The following TMEFF2 variants were observed in gnomAD, a reference collection of about 807,000 sequenced individuals.
TMEFF2 encodes the protein tomoregulin-2.
TMEFF2 carries 28 observed loss-of-function variants against 53.8 expected under a neutral mutation model. The ratio of observed to expected loss-of-function variants is 0.52; its 90% confidence interval spans 0.39 to 0.71. The LOEUF is 0.71. Among genes scored for constraint, TMEFF2 ranks in the 30% least tolerant of loss-of-function variants. The probability of loss-of-function intolerance (pLI) is 0.00; values close to 1 mark genes in which losing one functional copy is unlikely to be tolerated. For synonymous variants in TMEFF2, 162 were observed against 166.3 expected (o/e 0.97, Z 0.20); for missense variants, 353 against 455.2 (o/e 0.78, Z 2.04).
intron 4 of TMEFF2, among the ~76,000 whole-genome samples, chr2:192,075,267 A>G (rs1209547926): frequency 1.4e-5 from 2 of 141,228 alleles, no homozygotes; most frequent in Non-Finnish European, 3.0e-5. Flanking sequence ...TAATTATTAT[A>G]CCCAGAGTAC....
At chr2:191,979,772 C>CCT (rs987187681) in intron 7 of TMEFF2, among the ~76,000 whole-genome samples, 5 of 151,594 alleles carry the variant, frequency 3.3e-5, no homozygotes, top group African/African-American at 1.2e-4. Flanking sequence ...AAAATTAAAC[C>CCT]CTCTAACTAG....
intron 4 of TMEFF2, among the ~76,000 whole-genome samples, chr2:192,168,336 A>AC (rs1408855901): frequency 6.6e-6 from 1 of 151,708 alleles, no homozygotes; most frequent in East Asian, 1.9e-4. Flanking sequence ...CCTGCCACCC[A>AC]CCCCCCACAA....
At chr2:192,100,350 A>G (rs1441559709) in intron 4 of TMEFF2, among the ~76,000 whole-genome samples, 4 of 152,094 alleles carry the variant, frequency 2.6e-5, no homozygotes, top group Admixed American at 6.6e-5. Flanking sequence ...TTTGACTTCA[A>G]ATGTTATTTT....
intron 4 of TMEFF2, among the ~76,000 whole-genome samples, chr2:192,104,822 A>G (rs1023971710): frequency 2.0e-5 from 3 of 151,938 alleles, no homozygotes; most frequent in Admixed American, 1.3e-4. Flanking sequence ...TAAAATTCTT[A>G]CTCTAAATGA....
rs58233148 is a variant in TMEFF2, at chr2:192,037,273, T to TAAAGAAAGAAAGAAAGAAAGAAAG, written c.536+20382_536+20405dup. On this transcript the variant is annotated intron_variant, in intron 5 of 9. Coordinates refer to ENST00000272771, the MANE Select transcript of TMEFF2 (RefSeq NM_016192.4). ...AATGCACTTCTAAGACTAGCCAAAA[T>TAAAGAAAGAAAGAAAGAAAGAAAG]AAAGAAAGAAAGAAAGAAAGAAAGA... 9.7e-4 allele frequency among the ~76,000 whole-genome samples: 92 copies of TAAAGAAAGAAAGAAAGAAAGAAAG among 94,762 alleles called. 2 individuals carry two copies. Among genetic ancestry groups the TAAAGAAAGAAAGAAAGAAAGAAAG allele is most frequent in the East Asian group, 2.2e-3 (7 of 3,148 alleles). 62.2% of individuals were successfully genotyped at this position (94,762 alleles called of 152,430 possible).
intron 4 of TMEFF2, chr2:192,178,438 A>G (rs1442975408): frequency 6.6e-6 from 1 of 151,046 alleles, no homozygotes; most frequent in East Asian, 1.9e-4. Context: ...AAGACTGTCC[A>G]GACATCAAAG....
At chr2:192,104,614 G>C (rs10191016) in intron 4 of TMEFF2, among the ~76,000 whole-genome samples, 10,667 of 151,832 alleles carry the variant, frequency 0.07, 837 homozygotes, top group African/African-American at 0.19. Flanking sequence ...TATTCATCTT[G>C]GATAATTTAA....
chr2:192,004,260 C>T (rs1483190902), intron 5 of TMEFF2, among the ~76,000 whole-genome samples: 1 of 152,164 alleles, frequency 6.6e-6, no homozygotes, highest in African/African-American at 2.4e-5. Context: ...CACTGTCCTC[C>T]TTTTATTTGT....
intron 7 of TMEFF2, among the ~76,000 whole-genome samples, chr2:191,956,715 C>CTA (rs1385653319): frequency 2.0e-5 from 3 of 152,108 alleles, no homozygotes; most frequent in Admixed American, 6.6e-5. Flanking sequence ...AAGAAATATC[C>CTA]TATTTTTTAA....
chr2:191,987,861 A>G (rs1182565771), intron 7 of TMEFF2, among the ~76,000 whole-genome samples: 1 of 152,172 alleles, frequency 6.6e-6, no homozygotes, highest in Non-Finnish European at 1.5e-5. Flanking sequence ...CAGATAACAC[A>G]CATATAATTT....
chr2:192,150,741 T>C (rs1358499317), intron 4 of TMEFF2, among the ~76,000 whole-genome samples: 1 of 150,142 alleles, frequency 6.7e-6, no homozygotes, highest in Non-Finnish European at 1.5e-5. Context: ...AGGGAACAAA[T>C]GGAGGATGGG....
chr2:192,145,693 CT>C (rs892190076), intron 4 of TMEFF2, among the ~76,000 whole-genome samples: 1 of 151,970 alleles, frequency 6.6e-6, no homozygotes, highest in Non-Finnish European at 1.5e-5. Flanking sequence ...AGATTACTCA[CT>C]TTAAATACTG....
At chr2:192,072,446 CA>C (rs1688312922) in intron 4 of TMEFF2, among the ~76,000 whole-genome samples, 3 of 151,896 alleles carry the variant, frequency 2.0e-5, no homozygotes, top group Admixed American at 1.3e-4. Flanking sequence ...AAAAGCAACA[CA>C]TTTTTTTTCT....
intron 4 of TMEFF2, among the ~76,000 whole-genome samples, chr2:192,132,257 A>T (rs1689858264): frequency 6.6e-6 from 1 of 152,120 alleles, no homozygotes; most frequent in Admixed American, 6.6e-5. Flanking sequence ...TTACTCTTAA[A>T]AAGGTGGCTG....
At chr2:192,055,655 A>T (rs1349127696) in intron 5 of TMEFF2, among the ~76,000 whole-genome samples, 1 of 151,456 alleles carries the variant, frequency 6.6e-6, no homozygotes, top group Admixed American at 6.6e-5. Context: ...CGCACCTGTA[A>T]TCCCAGCTAC....
chr2:192,059,458 T>C (rs1186898003), intron 4 of TMEFF2, among the ~76,000 whole-genome samples: 1 of 152,180 alleles, frequency 6.6e-6, no homozygotes, highest in African/African-American at 2.4e-5. Flanking sequence ...GGTCTCTTTA[T>C]TACTTTCTGA....
At chr2:192,082,829 AAT>A (rs1212917327) in intron 4 of TMEFF2, among the ~76,000 whole-genome samples, 5 of 152,174 alleles carry the variant, frequency 3.3e-5, no homozygotes, top group African/African-American at 1.2e-4. Flanking sequence ...TCAACCATAA[AAT>A]ATGTTTTCAA....
chr2:192,173,781 T>A (rs1314150062), intron 4 of TMEFF2, among the ~76,000 whole-genome samples: 1 of 151,814 alleles, frequency 6.6e-6, no homozygotes, highest in South Asian at 2.1e-4. Flanking sequence ...TACTAGAAAC[T>A]GTATTGGATT....
At position 192,107,910 on chromosome 2, in the gene TMEFF2, CTCTAAT is replaced by C. The variant is rs1020965891; in HGVS notation, c.440-50141_440-50136del. Among the ~76,000 whole-genome samples the C allele has an allele frequency of 2.0e-4, 30 of 151,432 alleles. 1 individual carries two copies. Among genetic ancestry groups the C allele is most frequent in the Middle Eastern group, 3.4e-3 (1 of 292 alleles). ...CTCTATCTGCCTTACAAAACTATCT[CTCTAAT>C]TCTAATTCTATACAAAGATAGAAAC... On this transcript the variant is annotated intron_variant, in intron 4 of 9. Transcript: ENST00000272771.
Sources: allele counts gnomAD v4.1 joint callset (sites outside exome capture counted in the v4.1 genomes callset), GRCh38; gene constraint gnomAD v4.1.1; transcripts MANE v1.5; gene names NCBI Gene and HGNC (gene_info 2026-07-23, HGNC 2026-07-21).